MARF1: variants seen among roughly 807,000 people sequenced by gnomAD.
MARF1 encodes limkain-b1.
MARF1 carries 24 observed loss-of-function variants against 168.2 expected under a neutral mutation model. The observed-to-expected ratio is 0.14, with a 90% CI of 0.10 to 0.20. MARF1 has a LOEUF of 0.20. MARF1 is among the 10% of genes least tolerant of loss of function. The pLI, the probability that MARF1 is intolerant of heterozygous loss-of-function variation, is 1.00. For synonymous variants in MARF1, 868 were observed against 822.4 expected (o/e 1.06, Z -0.95); for missense variants, 1,744 against 2,143.6 (o/e 0.81, Z 3.68).
rs200947981 is a variant in MARF1, at chr16:15,598,974, C to T, written c.4864G>A (p.Val1622Ile). ...GGGACAGGCGCACACAGGAGGTCGA[C>T]GGGGGAGTCGTCGGTCAGGCGGAGA... ...ELLRLTDDSP[V>I]DLLCAPVPSC... Residue 1622 changes from valine to isoleucine, a missense_variant, in exon 26 of 27, where the codon GTC (valine) becomes ATC (isoleucine). By Grantham distance (29) the Val-to-Ile change is conservative. Transcript: ENST00000396368. The T allele has an allele frequency of 7.4e-5, 119 of 1,611,916 alleles. No individual in the cohort carries two copies. Among genetic ancestry groups the T allele is most frequent in the Middle Eastern group, 6.6e-4 (4 of 6,042 alleles).
chr16:15,608,620 C>CGT (rs1400192872), intron 20 of MARF1, 102 bp from the exon 21 acceptor site: 1 of 782,010 alleles, frequency 1.3e-6, no homozygotes, highest in African/African-American at 1.7e-5. Flanking sequence ...AACAAGTCAG[C>CGT]GTTACTGAAT....
In MARF1 at chr16:15,615,835, T is replaced by C. The variant is rs768794841; in HGVS notation, c.3248A>G (p.Asn1083Ser). 2.1e-5 allele frequency: 33 copies of C among 1,554,344 alleles called. No homozygotes were observed. Among genetic ancestry groups the C allele is most frequent in the Admixed American group, 1.5e-4 (8 of 53,322 alleles). ...ACAAAATACCTGACACCTACCAGTG[T>C]TGGGAGGCGGGGGCTTGTTGTGAAT... The part of the protein sequence containing the change: ...KWIHNKPPPP[N>S]TDPWLLRSKS... The change falls in exon 16 of 27, where the codon AAC becomes AGC. Residue 1083 changes from asparagine (N) to serine (S), a missense_variant. Asn to Ser is a conservative substitution (Grantham distance 46). Coordinates refer to ENST00000396368, the MANE Select transcript of MARF1 (RefSeq NM_014647.4).
chr16:15,607,670 A>G (rs182277076), intron 21 of MARF1, among the ~76,000 whole-genome samples: 6 of 152,312 alleles, frequency 3.9e-5, no homozygotes, highest in Non-Finnish European at 5.9e-5. Context: ...GCCGTCCTTC[A>G]TGCTTCCCTT....
rs1368118169 is a variant in MARF1, at chr16:15,624,854, G to C, written c.2185C>G (p.Gln729Glu). The C allele has an allele frequency of 6.2e-7, 1 of 1,614,120 alleles. No homozygotes were observed. The highest frequency in any genetic ancestry group is 1.3e-5 in the African/African-American group (1 of 75,036). Residue 729 changes from glutamine to glutamate, a missense_variant, in exon 10 of 27, where the codon CAA becomes GAA. Around this residue, in one of 7 missense-constraint regions of MARF1, gnomAD observed 270 missense variants for 260.6 expected, o/e 1.04. Transcript: ENST00000396368. ...EKKDKEETVF[Q>E]VSYPSAFSKL... ...CTAAAAGCAGACGGGTAACTCACTT[G>C]GAATACAGTCTCCTCTTTATCTTTT...
intron 11 of MARF1, among the ~76,000 whole-genome samples, chr16:15,622,390 CTT>C (rs995577394): frequency 3.4e-5 from 5 of 145,062 alleles, no homozygotes; most frequent in African/African-American, 1.3e-4. Flanking sequence ...ATCAAATTGC[CTT>C]TTTTTTTTTT....
In MARF1 at chr16:15,617,042, G is replaced by A. The variant is rs578207420; in HGVS notation, c.3077+10C>T. 8 of 1,606,990 alleles carry A rather than the reference G, an allele frequency of 5.0e-6. No homozygotes were observed. The African/African-American group carries it at 1.1e-4, about 22-fold the overall frequency. On this transcript the variant is annotated intron_variant, in intron 15 of 26. Transcript: ENST00000396368. Reference sequence around the variant, plus strand: ...GGCATTATATCGACAAAGGCTTTGAGATGGTTCACCTCAATAAAGGCACGG... The same window carrying A: ...GGCATTATATCGACAAAGGCTTTGAAATGGTTCACCTCAATAAAGGCACGG...
intron 23 of MARF1, chr16:15,601,745 A>G: frequency 3.5e-6 from 2 of 577,748 alleles, no homozygotes; most frequent in South Asian, 2.1e-5. Context: ...CCCATTAACC[A>G]ACACCTTTCT....
intron 5 of MARF1, among the ~76,000 whole-genome samples, chr16:15,633,013 T>C (rs1361198547): frequency 1.3e-5 from 2 of 152,156 alleles, no homozygotes; most frequent in Non-Finnish European, 2.9e-5. Flanking sequence ...TATACCAGTA[T>C]AGAACTAAAA....
Position 15,636,340 on chromosome 16 carries a change from T to C in MARF1, c.147A>G (p.Lys49=), listed in dbSNP as rs1466168075. 6.5e-7 allele frequency: 1 copy of C among 1,529,740 alleles called. No individual in the cohort carries two copies. The highest frequency in any genetic ancestry group is 2.2e-5 in the Admixed American group (1 of 45,344). 94.8% of individuals were successfully genotyped at this position (1,529,740 alleles called of 1,614,324 possible). The change falls in exon 3 of 27, where the codon AAA becomes AAG. Residue 49 remains lysine (K), a splice_region_variant and synonymous_variant. Coordinates refer to ENST00000396368, the MANE Select transcript of MARF1 (RefSeq NM_014647.4). ...EQTLPHSPQT[K]EYMENKKVAV... ...CAACTTTCTTGTTCTCCATGTACTC[T>C]TTCTGAGAAAAGAAAATCAGAACAT...
chr16:15,607,375 CCT>C (rs902399865), intron 21 of MARF1, among the ~76,000 whole-genome samples: 1 of 152,164 alleles, frequency 6.6e-6, no homozygotes, highest in Admixed American at 6.5e-5. Context: ...ACGGTGAAGC[CCT>C]GTCTCTACTA....
At chr16:15,617,651 A>AG in intron 13 of MARF1, 116 bp from the exon 14 acceptor site, 1 of 709,728 alleles carries the variant, frequency 1.4e-6, no homozygotes, top group Non-Finnish European at 2.4e-6. Flanking sequence ...ATCTCTTCAA[A>AG]GGTAAAACTG....
rs764177675 is a variant in MARF1 at position 15,639,236 on chromosome 16, A to G, written c.-3T>C. The stretch of plus-strand genomic sequence containing the variant: ...TCAGTTCCGTTTCCTTCCATCATAC[A>G]GCCATGCAAAGTGATTCAACATCCT... On this transcript the variant is annotated 5_prime_UTR_variant, in exon 2 of 27. Coordinates refer to ENST00000396368, the MANE Select transcript of MARF1 (RefSeq NM_014647.4). 3.7e-6 allele frequency: 6 copies of G among 1,610,568 alleles called. No homozygotes were observed. Among genetic ancestry groups the G allele is most frequent in the South Asian group, 1.1e-5 (1 of 90,492 alleles).
At chr16:15,622,658 C>T (rs980964582) in intron 11 of MARF1, among the ~76,000 whole-genome samples, 4 of 152,228 alleles carry the variant, frequency 2.6e-5, no homozygotes, top group African/African-American at 4.8e-5. Context: ...GCTGGAATTA[C>T]AGGCATGAGC....
At chr16:15,600,787 C>G in intron 23 of MARF1, 86 bp from the exon 24 acceptor site, 2 of 1,405,268 alleles carry the variant, frequency 1.4e-6, no homozygotes, top group South Asian at 1.2e-5. Flanking sequence ...ACCTACGGAG[C>G]CTGCCTTAGG....
chr16:15,621,096 G>GAAC (rs1329452518), intron 12 of MARF1, among the ~76,000 whole-genome samples: 1 of 146,416 alleles, frequency 6.8e-6, no homozygotes, highest in Non-Finnish European at 1.5e-5. Context: ...TTTATTCTGA[G>GAAC]AACAACAACA....
chr16:15,596,795 T>A lies in MARF1; in HGVS notation c.5127A>T (p.Ser1709=), dbSNP rs768733669. The change falls in exon 27 of 27, where the codon TCA becomes TCT. Residue 1709 remains serine (S), a synonymous_variant. Coordinates refer to ENST00000396368, the MANE Select transcript of MARF1 (RefSeq NM_014647.4). The stretch of plus-strand genomic sequence containing the variant: ...TTTCCACGGGGTCCTTGCTGAGCAG[T>A]GACTCGGAGGTTTCCGAGGAGGGGC... ...PPCPSSETSE[S]LLSKDPVESP... 1.4e-5 allele frequency: 22 copies of A among 1,613,930 alleles called. No homozygotes were observed. The South Asian group carries it at 2.4e-4, about 18-fold the overall frequency.
At position 15,615,850 on chromosome 16, in the gene MARF1, T is replaced by C; in HGVS notation, c.3233A>G (p.Lys1078Arg). ...CCTACCAGTGTTGGGAGGCGGGGGC[T>C]TGTTGTGAATCCATTTAACCACTTT... ...GIKVVKWIHNKPPPPNTDPWL... is the reference protein window; with the variant it reads ...GIKVVKWIHNRPPPPNTDPWL... The change falls in exon 16 of 27, where the codon AAG becomes AGG. Residue 1078 changes from lysine to arginine, a missense_variant. Lys to Arg is a conservative substitution (Grantham distance 26). Around this residue, in one of 7 missense-constraint regions of MARF1, gnomAD observed 543 missense variants for 742.1 expected, o/e 0.73. Coordinates refer to ENST00000396368, the MANE Select transcript of MARF1 (RefSeq NM_014647.4). 6.3e-7 allele frequency: 1 copy of C among 1,575,448 alleles called. No homozygotes were observed. Among genetic ancestry groups the C allele is most frequent in the Non-Finnish European group, 8.6e-7 (1 of 1,159,486 alleles).
chr16:15,625,133 C>T lies in MARF1; in HGVS notation c.1994G>A (p.Ser665Asn). The T allele has an allele frequency of 6.2e-7, 1 of 1,614,154 alleles. No homozygotes were observed. The highest frequency in any genetic ancestry group is 1.3e-5 in the African/African-American group (1 of 75,044). Residue 665 changes from serine (S) to asparagine (N), a missense_variant, in exon 9 of 27, where the codon AGT (serine) becomes AAT (asparagine). This residue lies in a region of MARF1 where 270 missense variants were observed against 260.6 expected (regional missense o/e 1.04). Transcript: ENST00000396368. Reference sequence around the variant, plus strand: ...CCTCAGGTGACCTTGCTGGTGCTCACTGTTTCTATGACCAGTTTTTGACTC... The same window carrying T: ...CCTCAGGTGACCTTGCTGGTGCTCATTGTTTCTATGACCAGTTTTTGACTC... Reference protein sequence around the residue: ...RMESKTGHRNSEHQQGHLRLV... With the variant: ...RMESKTGHRNNEHQQGHLRLV...
intron 15 of MARF1, among the ~76,000 whole-genome samples, chr16:15,616,508 T>C (rs779798916): frequency 2.0e-5 from 3 of 152,208 alleles, no homozygotes; most frequent in Non-Finnish European, 2.9e-5. Flanking sequence ...CTCCTCACGT[T>C]TACGTTTCTA....
Sources: gnomAD v4.1 joint callset for allele counts (sites outside exome capture counted in the v4.1 genomes callset) on GRCh38, gnomAD v4.1.1 for gene constraint, gnomAD v4.1.1 regional missense constraint, MANE v1.5 for transcripts, NCBI Gene and HGNC (gene_info 2026-07-23, HGNC 2026-07-21) for gene names.